Variants in KMT2A observed in about 807,000 individuals in gnomAD.
KMT2A encodes histone-lysine N-methyltransferase 2A.
KMT2A carries 16 observed loss-of-function variants against 345.3 expected under a neutral mutation model. The observed-to-expected ratio is 0.05, with a 90% CI of 0.03 to 0.07. The LOEUF (loss-of-function observed/expected upper bound fraction) is 0.07, where lower values mean the gene tolerates loss of function less well. Among genes scored for constraint, KMT2A ranks in the 10% least tolerant of loss-of-function variants. KMT2A has a pLI of 1.00. For missense variants in KMT2A, 3,272 were observed against 4,841.6 expected (o/e 0.68, Z 9.62); for synonymous variants, 1,599 against 1,778.6 (o/e 0.90, Z 2.54).
chr11:118,493,556 C>T lies in KMT2A; in HGVS notation c.5178+326C>T, dbSNP rs1252411597. On this transcript the variant is annotated intron_variant, in intron 16 of 35. Transcript: ENST00000534358. The surrounding 1 kb of genome is among the most constrained non-coding windows in gnomAD (Gnocchi z 5.8). ...AATATGAAATTAATTGGTTCTCCCT[C>T]CCCTTTTGAGATCAGATCTGAATAA... 3.9e-5 allele frequency among the ~76,000 whole-genome samples: 6 copies of T among 152,088 alleles called. No individual in the cohort carries two copies. The East Asian group carries it at 1.2e-3, about 29-fold the overall frequency.
Position 118,471,962 on chromosome 11 carries a change from C to T in KMT2A, c.803C>T (p.Thr268Ile), listed in dbSNP as rs943862842. 1.2e-6 allele frequency: 2 copies of T among 1,614,052 alleles called. No individual in the cohort carries two copies. Among genetic ancestry groups the T allele is most frequent in the East Asian group, 4.5e-5 (2 of 44,882 alleles). Reference protein sequence around the residue: ...RTPSATFQQATKIKKLRAGKL... With the variant: ...RTPSATFQQAIKIKKLRAGKL... ...CCTTCTGCTACGTTTCAGCAAGCCA[C>T]AAAGATTAAAAAATTAAGAGCAGGT... Residue 268 changes from threonine to isoleucine, a missense_variant, in exon 3 of 36, where the codon ACA becomes ATA. Physicochemically the swap from Thr to Ile is moderately conservative, Grantham distance 89. Around this residue, in one of 27 missense-constraint regions of KMT2A, gnomAD observed 412 missense variants for 511.0 expected, o/e 0.81. Coordinates refer to ENST00000534358, the MANE Select transcript of KMT2A (RefSeq NM_001197104.2).
In KMT2A at chr11:118,494,050, T is replaced by G. The variant is rs565897936; in HGVS notation, c.5179-238T>G. On this transcript the variant is annotated intron_variant, in intron 16 of 35. Coordinates refer to ENST00000534358, the MANE Select transcript of KMT2A (RefSeq NM_001197104.2). This position sits in a 1 kb window ranked among gnomAD's most constrained non-coding sequence, Gnocchi z 5.8. ...AAAACTGTGGACCTGCTTGGATAATTTATCATGATACAGCCAATTTGTTTG... is the reference window on the plus strand; with the variant it reads ...AAAACTGTGGACCTGCTTGGATAATGTATCATGATACAGCCAATTTGTTTG... Among the ~76,000 whole-genome samples the G allele has an allele frequency of 1.2e-3, 183 of 152,328 alleles. No homozygotes were observed. Among genetic ancestry groups the G allele is most frequent in the Admixed American group, 4.6e-3 (70 of 15,288 alleles).
intron 31 of KMT2A, among the ~76,000 whole-genome samples, chr11:118,514,774 C>T (rs1950773663): frequency 6.6e-6 from 1 of 152,126 alleles, no homozygotes; most frequent in Non-Finnish European, 1.5e-5. Context: ...GCTGGGATTA[C>T]AGGCATGTGC....
In KMT2A at chr11:118,520,130, T is replaced by C. The variant is rs1471784097; in HGVS notation, c.11429+66T>C. The C allele has an allele frequency of 9.7e-7, 1 of 1,026,616 alleles. No homozygotes were observed. The highest frequency in any genetic ancestry group is 1.5e-6 in the Non-Finnish European group (1 of 676,732). The allele number at this position is 1,026,616 out of a possible 1,614,324, so 63.6% of individuals were successfully genotyped here. A position where few individuals can be genotyped will look rare whatever the true frequency, so the allele number is the denominator to read the frequency against. ...CCTCTCCTCCAGCTGGTCAGGGCAC[T>C]ACGTAGGAATTTGTTTGCATCAGAA... On this transcript the variant is annotated intron_variant, in intron 33 of 35. Transcript: ENST00000534358. This position sits in a 1 kb window ranked among gnomAD's most constrained non-coding sequence, Gnocchi z 4.3.
At chr11:118,483,636 T>G (rs1450315600) in intron 8 of KMT2A, among the ~76,000 whole-genome samples, 1 of 152,254 alleles carries the variant, frequency 6.6e-6, no homozygotes, top group Admixed American at 6.5e-5. Flanking sequence ...GGAATCTGCT[T>G]ATTCTAAAGG....
rs1378920105 is a variant in KMT2A at position 118,477,820 on chromosome 11, T to G, written c.3335-147T>G. The G allele has an allele frequency of 4.9e-6, 3 of 617,418 alleles. No individual in the cohort carries two copies. In the African/African-American group the frequency reaches 5.5e-5, roughly 11 times the overall value. 38.2% of individuals were successfully genotyped at this position (617,418 alleles called of 1,614,324 possible). On this transcript the variant is annotated intron_variant, in intron 4 of 35. Coordinates refer to ENST00000534358, the MANE Select transcript of KMT2A (RefSeq NM_001197104.2). ...CCATTCCTGGCCAAGTTATTGGCAT[T>G]TTTAAACATTTAAATAATTATTTAA...
chr11:118,525,944 G>T lies in KMT2A; in HGVS notation c.*3772G>T, dbSNP rs1555055432. 1 of 223,604 alleles carries T rather than the reference G, an allele frequency of 4.5e-6. No homozygotes were observed. Among genetic ancestry groups the T allele is most frequent in the African/African-American group, 2.2e-5 (1 of 44,716 alleles). The allele number at this position is 223,604 out of a possible 1,614,324, so 13.9% of individuals were successfully genotyped here. On this transcript the variant is annotated 3_prime_UTR_variant, in exon 36 of 36. Transcript: ENST00000534358. ...GTCAAGTCACACACTCTGGAAACTT[G>T]CAACTTTTTGTTTGTTTTGGTTTTC... is the stretch of plus-strand genomic sequence containing the variant.
chr11:118,512,186 ATACAATTCAG>A, intron 31 of KMT2A, 161 bp downstream of exon 31: 1 of 622,962 alleles, frequency 1.6e-6, no homozygotes. Context: ...CATCTAAAGC[ATACAATTCAG>A]TGGTTTTTAA....
chr11:118,488,491 T>C (rs1950269024), intron 10 of KMT2A, 123 bp from the exon 11 acceptor site: 1 of 921,288 alleles, frequency 1.1e-6, no homozygotes, highest in Non-Finnish European at 1.8e-6. Context: ...TTAATGAATA[T>C]GTATTGAATT....
At position 118,468,823 on chromosome 11, in the gene KMT2A, A is replaced by T; in HGVS notation, c.481A>T (p.Ser161Cys). The change falls in exon 2 of 36, where the codon AGT (serine) becomes TGT (cysteine). Residue 161 changes from serine (S) to cysteine (C), a missense_variant. By Grantham distance (112) the Ser-to-Cys change is moderately radical. Transcript: ENST00000534358. ...FGSDEEVRVRSPTRSPSVKTS... is the reference protein window; with the variant it reads ...FGSDEEVRVRCPTRSPSVKTS... The stretch of plus-strand genomic sequence containing the variant: ...CTCAGATGAAGAAGTCAGAGTGCGA[A>T]GTCCCACAAGGTCTCCTTCAGGTAC... The T allele has an allele frequency of 1.2e-6, 2 of 1,613,344 alleles. No homozygotes were observed. The highest frequency in any genetic ancestry group is 1.7e-6 in the Non-Finnish European group (2 of 1,179,442).
chr11:118,449,241 T>G (rs1949481279), intron 1 of KMT2A: 1 of 151,882 alleles, frequency 6.6e-6, no homozygotes, highest in Non-Finnish European at 1.5e-5. Flanking sequence ...TATTTGAATA[T>G]TCCTAAAAAA....
Position 118,436,821 on chromosome 11 carries a change from G to T in KMT2A, c.309G>T (p.Pro103=), listed in dbSNP as rs782541447. The T allele has an allele frequency of 1.2e-6, 2 of 1,608,530 alleles. No individual in the cohort carries two copies. The highest frequency in any genetic ancestry group is 1.7e-6 in the Non-Finnish European group (2 of 1,177,852). Residue 103 remains proline (P), a synonymous_variant, in exon 1 of 36, where the codon CCG becomes CCT. Transcript: ENST00000534358. The surrounding 1 kb of genome is among the most constrained non-coding windows in gnomAD (Gnocchi z 6.9). ...CATCGTCCTCAGCCTCTTCAGGGCCGGCCCTGCTCCGGGTGGGCCCGGGCT... is the reference window on the plus strand; with the variant it reads ...CATCGTCCTCAGCCTCTTCAGGGCCTGCCCTGCTCCGGGTGGGCCCGGGCT... The part of the protein sequence containing the change: ...SSSSSSASSG[P]ALLRVGPGFD...
Position 118,502,346 on chromosome 11 carries a change from A to T in KMT2A, c.6506-52A>T. The stretch of plus-strand genomic sequence containing the variant: ...CAAATCATTGAAACCAGTGACTTCT[A>T]CACATTTGTTCTATCTACAATAGCA... On this transcript the variant is annotated intron_variant, in intron 26 of 35. Coordinates refer to ENST00000534358, the MANE Select transcript of KMT2A (RefSeq NM_001197104.2). The surrounding 1 kb of genome is among the most constrained non-coding windows in gnomAD (Gnocchi z 4.9). The T allele has an allele frequency of 8.0e-7, 1 of 1,256,768 alleles. No individual in the cohort carries two copies. Among genetic ancestry groups the T allele is most frequent in the Non-Finnish European group, 1.1e-6 (1 of 902,894 alleles). The allele number at this position is 1,256,768 out of a possible 1,614,324, so 77.9% of individuals were successfully genotyped here.
At chr11:118,483,401 C>T (rs1369769362) in intron 8 of KMT2A, among the ~76,000 whole-genome samples, 2 of 151,308 alleles carry the variant, frequency 1.3e-5, no homozygotes, top group African/African-American at 4.9e-5. Flanking sequence ...GGCGAGGTGG[C>T]GGGCGCCTGT....
chr11:118,472,212 C>T lies in KMT2A; in HGVS notation c.1053C>T (p.Ser351=), dbSNP rs1013718571. The T allele has an allele frequency of 6.2e-7, 1 of 1,613,788 alleles. No individual in the cohort carries two copies. The highest frequency in any genetic ancestry group is 1.1e-5 in the South Asian group (1 of 91,070). ...TKEDKTVVRQ[S]PRRIKPVRII... The stretch of plus-strand genomic sequence containing the variant: ...AAGATAAGACAGTTGTCAGACAAAG[C>T]CCTCGAAGGATTAAGCCAGTTAGGA... The change falls in exon 3 of 36, where the codon AGC becomes AGT. Residue 351 remains serine (S), a synonymous_variant. Transcript: ENST00000534358.
At chr11:118,466,148 A>G (rs1257264318) in intron 1 of KMT2A, among the ~76,000 whole-genome samples, 2 of 152,146 alleles carry the variant, frequency 1.3e-5, no homozygotes, top group East Asian at 1.9e-4. Flanking sequence ...CCTGGGCAAC[A>G]TAGTGAGACC....
Position 118,499,484 on chromosome 11 carries a change from A to G in KMT2A, c.6079+64A>G. On this transcript the variant is annotated intron_variant, in intron 23 of 35. Coordinates refer to ENST00000534358, the MANE Select transcript of KMT2A (RefSeq NM_001197104.2). ...ATCATTGGGGAAATTTCTGGTCCTC[A>G]GTTATAAAATGACCCTCAGCCAGGT... 8 of 1,087,630 alleles carry G rather than the reference A, an allele frequency of 7.4e-6. No individual in the cohort carries two copies. In the South Asian group the frequency reaches 1.0e-4, roughly 14 times the overall value. The allele number at this position is 1,087,630 out of a possible 1,614,324, so 67.4% of individuals were successfully genotyped here. A position where few individuals can be genotyped will look rare whatever the true frequency, so the allele number is the denominator to read the frequency against.
intron 1 of KMT2A, among the ~76,000 whole-genome samples, chr11:118,463,970 T>A (rs1555033485): frequency 6.6e-6 from 1 of 152,150 alleles, no homozygotes; most frequent in African/African-American, 2.4e-5. Context: ...AACATAAAAT[T>A]TATGGTGAAG....
chr11:118,439,158 C>CAAAAAAAAAAAAGAA, intron 1 of KMT2A: 1 of 265,450 alleles, frequency 3.8e-6, no homozygotes, highest in Admixed American at 5.3e-5. Flanking sequence ...GATACAGCAG[C>CAAAAAAAAAAAAGAA]AAAAAAAAAA....
Sources: allele counts gnomAD v4.1 joint callset (sites outside exome capture counted in the v4.1 genomes callset), GRCh38; gene constraint gnomAD v4.1.1; regional missense constraint gnomAD v4.1.1; non-coding constraint Gnocchi (gnomAD v3.1); transcripts MANE v1.5; gene names NCBI Gene and HGNC (gene_info 2026-07-23, HGNC 2026-07-21).